RGS7: variants seen among roughly 807,000 people sequenced by gnomAD.
RGS7 encodes the protein regulator of G protein signaling 7, also known as regulator of G-protein signaling 7.
RGS7 carries 27 observed loss-of-function variants against 81.1 expected under a neutral mutation model. The observed-to-expected ratio is 0.33, with a 90% CI of 0.25 to 0.46. The LOEUF (loss-of-function observed/expected upper bound fraction) is 0.46, where lower values mean the gene tolerates loss of function less well. Ranked by LOEUF, RGS7 falls within the 20% of genes least tolerant of loss-of-function variation. RGS7 has a pLI of 1.00. For missense variants in RGS7, 396 were observed against 607.4 expected (o/e 0.65, Z 3.66); for synonymous variants, 208 against 207.7 (o/e 1.00, Z -0.01).
chr1:241,297,948 A>T (rs2079522853), intron 2 of RGS7, among the ~76,000 whole-genome samples: 1 of 152,192 alleles, frequency 6.6e-6, no homozygotes, highest in Admixed American at 6.5e-5. Context: ...AAGTTTAATC[A>T]CCACTAGATC....
intron 2 of RGS7, among the ~76,000 whole-genome samples, chr1:241,143,141 T>A (rs187614837): frequency 6.6e-6 from 1 of 152,326 alleles, no homozygotes; most frequent in Admixed American, 6.5e-5. Flanking sequence ...AGCGTTTTTG[T>A]CAGAGCCATT....
At chr1:240,915,802 T>G (rs1672503740) in intron 6 of RGS7, among the ~76,000 whole-genome samples, 1 of 151,710 alleles carries the variant, frequency 6.6e-6, no homozygotes. Flanking sequence ...GGTATGAAAT[T>G]AAAAGGAACT....
chr1:240,931,793 A>C (rs1463735237), intron 5 of RGS7, among the ~76,000 whole-genome samples: 1 of 152,120 alleles, frequency 6.6e-6, no homozygotes, highest in Non-Finnish European at 1.5e-5. Context: ...TACAAAGAAA[A>C]TGTCTGACCG....
intron 10 of RGS7, among the ~76,000 whole-genome samples, chr1:240,818,049 C>A (rs948424711): frequency 1.3e-5 from 2 of 152,160 alleles, no homozygotes; most frequent in Admixed American, 6.5e-5. Flanking sequence ...ACCCAATTCC[C>A]ATCACTGAGG....
intron 2 of RGS7, among the ~76,000 whole-genome samples, chr1:241,108,983 T>C (rs1237938549): frequency 5.3e-5 from 8 of 152,104 alleles, no homozygotes; most frequent in Non-Finnish European, 7.4e-5. Context: ...TACGAACTCC[T>C]TACCTCCTGA....
chr1:240,913,728 T>G (rs1404897740), intron 6 of RGS7, among the ~76,000 whole-genome samples: 2 of 152,248 alleles, frequency 1.3e-5, no homozygotes, highest in African/African-American at 4.8e-5. Flanking sequence ...CAGTGGATAT[T>G]TTTAATGTTG....
At chr1:241,010,827 G>C (rs188511027) in intron 3 of RGS7, among the ~76,000 whole-genome samples, 1 of 152,250 alleles carries the variant, frequency 6.6e-6, no homozygotes, top group East Asian at 1.9e-4. Context: ...GATGTCTCTG[G>C]TGGAAGAGGT....
At chr1:241,228,222 G>A (rs1199204725) in intron 2 of RGS7, among the ~76,000 whole-genome samples, 3 of 152,224 alleles carry the variant, frequency 2.0e-5, no homozygotes, top group Non-Finnish European at 2.9e-5. Context: ...TGTCCACCCC[G>A]GCCACAATGC....
At chr1:241,215,218 T>C (rs1279641915) in intron 2 of RGS7, among the ~76,000 whole-genome samples, 9 of 152,194 alleles carry the variant, frequency 5.9e-5, no homozygotes, top group African/African-American at 2.2e-4. Context: ...TGAGACTTGA[T>C]GTGTTTCATG....
chr1:241,082,374 C>T (rs1391959286), intron 3 of RGS7, among the ~76,000 whole-genome samples: 1 of 152,194 alleles, frequency 6.6e-6, no homozygotes, highest in African/African-American at 2.4e-5. Context: ...GTCCCTGAGA[C>T]TAGAATATAT....
At chr1:241,002,784 A>G (rs2058467724) in intron 3 of RGS7, among the ~76,000 whole-genome samples, 1 of 152,230 alleles carries the variant, frequency 6.6e-6, no homozygotes, top group South Asian at 2.1e-4. Context: ...GCAGAAATGT[A>G]AACAGGATGT....
chr1:240,789,746 C>T (rs557717954), intron 18 of RGS7, among the ~76,000 whole-genome samples: 72 of 152,292 alleles, frequency 4.7e-4, no homozygotes, highest in Admixed American at 1.4e-3. Context: ...AGTGACAATG[C>T]CTGCCCAAAA....
chr1:241,142,692 G>A (rs962527224), intron 2 of RGS7, among the ~76,000 whole-genome samples: 1 of 152,172 alleles, frequency 6.6e-6, no homozygotes, highest in Non-Finnish European at 1.5e-5. Context: ...GATGGGAAGG[G>A]CTGCCGTGAA....
intron 9 of RGS7, among the ~76,000 whole-genome samples, chr1:240,850,932 T>C (rs1170328605): frequency 6.6e-6 from 1 of 152,190 alleles, no homozygotes; most frequent in African/African-American, 2.4e-5. Context: ...GAAAAAAAGT[T>C]GGAAACTAGC....
At chr1:241,126,755 A>G (rs1008519863) in intron 2 of RGS7, among the ~76,000 whole-genome samples, 6 of 152,056 alleles carry the variant, frequency 3.9e-5, no homozygotes, top group Non-Finnish European at 8.8e-5. Flanking sequence ...AATGTTAGCT[A>G]TAATTATTTC....
chr1:240,878,112 T>C (rs1407069565), intron 6 of RGS7, among the ~76,000 whole-genome samples: 1 of 152,074 alleles, frequency 6.6e-6, no homozygotes, highest in Non-Finnish European at 1.5e-5. Flanking sequence ...CTATGTCTTC[T>C]CTCCTTTCCG....
intron 2 of RGS7, among the ~76,000 whole-genome samples, chr1:241,148,126 T>C (rs573557640): frequency 6.7e-6 from 1 of 148,622 alleles, no homozygotes; most frequent in South Asian, 2.2e-4. Flanking sequence ...TCTTGGCTCA[T>C]TGCAGTATCT....
At chr1:241,341,871 T>TTTA (rs1491353430) in intron 2 of RGS7, among the ~76,000 whole-genome samples, 1 of 78,496 alleles carries the variant, frequency 1.3e-5, no homozygotes, top group Non-Finnish European at 2.4e-5. Context: ...TCTTCAACTC[T>TTTA]TTTTTTTTTT....
chr1:241,008,486 G>A (rs941196133), intron 3 of RGS7, among the ~76,000 whole-genome samples: 1 of 152,118 alleles, frequency 6.6e-6, no homozygotes, highest in Non-Finnish European at 1.5e-5. Flanking sequence ...GGTCCTCATT[G>A]AGTAGCAAGG....
Sources: gnomAD v4.1 joint callset for allele counts (sites outside exome capture counted in the v4.1 genomes callset) on GRCh38, gnomAD v4.1.1 for gene constraint, MANE v1.5 for transcripts, NCBI Gene and HGNC (gene_info 2026-07-23, HGNC 2026-07-21) for gene names.